KDM8: variants seen among roughly 807,000 people sequenced by gnomAD.
KDM8 encodes bifunctional peptidase and arginyl-hydroxylase JMJD5.
In KDM8, 35 loss-of-function variants were observed where a neutral mutation model predicts 46.9. The observed-to-expected ratio is 0.75, with a 90% CI of 0.57 to 0.99. The LOEUF (loss-of-function observed/expected upper bound fraction) is 0.99, where lower values mean the gene tolerates loss of function less well. KDM8 is among the 50% of genes least tolerant of loss of function. The pLI is 0.00. For missense variants in KDM8, 475 were observed against 537.0 expected, an observed-to-expected ratio of 0.88 and a Z score of 1.14; for synonymous variants, 232 against 227.7, an observed-to-expected ratio of 1.02 and a Z score of -0.17.
chr16:27,212,945 C>T (rs938270314), intron 2 of KDM8, among the ~76,000 whole-genome samples: 6 of 152,310 alleles, frequency 3.9e-5, no homozygotes, highest in South Asian at 2.1e-4. Context: ...CCACCTTGGT[C>T]TCCCAAAGTG....
intron 1 of KDM8, chr16:27,204,141 G>A: frequency 1.3e-6 from 2 of 1,535,944 alleles, no homozygotes; most frequent in South Asian, 1.2e-5. Context: ...GGAGGGAAGG[G>A]GGTCTGAGGC....
At chr16:27,218,858 C>G in intron 5 of KDM8, 103 bp from the exon 6 acceptor site, 2 of 1,310,402 alleles carry the variant, frequency 1.5e-6, no homozygotes, top group Non-Finnish European at 2.2e-6. Context: ...AACACACACA[C>G]ACATAATGGA....
Position 27,215,979 on chromosome 16 carries a change from T to C in KDM8, c.833T>C (p.Leu278Pro). ...RDVGYLAQHQ[L>P]FDQIPELKQD... The stretch of plus-strand genomic sequence containing the variant: ...GTCGGGTACCTTGCTCAGCACCAGC[T>C]CTTTGACCAGGTAAGTCTGAGGCCA... Residue 278 changes from leucine (L) to proline (P), a missense_variant, in exon 5 of 8, where the codon CTC (leucine) becomes CCC (proline). Physicochemically the swap from Leu to Pro is moderately conservative, Grantham distance 98. Transcript: ENST00000286096. 6.2e-7 allele frequency: 1 copy of C among 1,614,156 alleles called. No individual in the cohort carries two copies. The highest frequency in any genetic ancestry group is 8.5e-7 in the Non-Finnish European group (1 of 1,180,014).
chr16:27,218,837 AC>A (rs1458652927), intron 5 of KDM8, 123 bp from the exon 6 acceptor site: 2 of 1,120,972 alleles, frequency 1.8e-6, no homozygotes, highest in Non-Finnish European at 2.6e-6. Flanking sequence ...ACAGAGCCAG[AC>A]CCTGTCTCAA....
intron 1 of KDM8, among the ~76,000 whole-genome samples, 168 bp from the exon 2 acceptor site, chr16:27,209,925 T>C (rs191468940): frequency 6.6e-6 from 1 of 152,300 alleles, no homozygotes; most frequent in East Asian, 1.9e-4. Context: ...GCCCTGAAGA[T>C]ACAGTGGTGA....
In KDM8 at chr16:27,220,583, C is replaced by T. The variant is rs144555722; in HGVS notation, c.1104C>T (p.Pro368=). The change falls in exon 8 of 8, where the codon CCC becomes CCT. Residue 368 remains proline, a synonymous_variant. Coordinates refer to ENST00000286096, the MANE Select transcript of KDM8 (RefSeq NM_024773.3). ...HNTSQVDVEN[P]DLEKFPKFAK... Reference sequence around the variant, plus strand: ...TTCTTCAGGTTGACGTGGAGAATCCCGACCTGGAAAAGTTCCCCAAGTTTG... The same window carrying T: ...TTCTTCAGGTTGACGTGGAGAATCCTGACCTGGAAAAGTTCCCCAAGTTTG... 159 of 1,614,122 alleles carry T rather than the reference C, an allele frequency of 9.9e-5. 2 individuals are homozygous for T. In the African/African-American group the frequency reaches 1.8e-3, roughly 18 times the overall value.
At chr16:27,216,124 C>A in intron 5 of KDM8, 135 bp downstream of exon 5, 1 of 927,618 alleles carries the variant, frequency 1.1e-6, no homozygotes. Flanking sequence ...GGTGACAGGA[C>A]GTGGGTGATG....
In KDM8 at chr16:27,210,590, G is replaced by A. The variant is rs145879289; in HGVS notation, c.467G>A (p.Arg156His). ...CACCTCCCTGGAAAGAGGCCTGCCC[G>A]TGGCTCCCTCCCAGAGCAACCCTGC... is the stretch of plus-strand genomic sequence containing the variant. Reference protein sequence around the residue: ...QTHLPGKRPARGSLPEQPCTK... With the variant: ...QTHLPGKRPAHGSLPEQPCTK... The change falls in exon 2 of 8, where the codon CGT becomes CAT. Residue 156 changes from arginine to histidine, a missense_variant. Transcript: ENST00000286096. 5.5e-5 allele frequency: 83 copies of A among 1,515,288 alleles called. No individual in the cohort carries two copies. In the African/African-American group the frequency reaches 9.8e-4, roughly 18 times the overall value. The allele number at this position is 1,515,288 out of a possible 1,614,324, so 93.9% of individuals were successfully genotyped here. A position where few individuals can be genotyped will look rare whatever the true frequency, so the allele number is the denominator to read the frequency against.
chr16:27,214,732 C>G (rs2140971131), intron 3 of KDM8, 144 bp from the exon 4 acceptor site: 1 of 856,842 alleles, frequency 1.2e-6, no homozygotes, highest in South Asian at 1.6e-5. Context: ...ATGCCGGTTC[C>G]TCATCAGTGA....
In KDM8 at chr16:27,210,073, G is replaced by A; in HGVS notation, c.-31-20G>A. 1.3e-6 allele frequency: 2 copies of A among 1,576,020 alleles called. No homozygotes were observed. The highest frequency in any genetic ancestry group is 1.7e-6 in the Non-Finnish European group (2 of 1,162,584). ...AGGTCTGTCCTGGTGTCTAACTCTT[G>A]TTTCTCTCCACCTCCCCAGGCACGG... is the stretch of plus-strand genomic sequence containing the variant. On this transcript the variant is annotated intron_variant, in intron 1 of 7. Coordinates refer to ENST00000286096, the MANE Select transcript of KDM8 (RefSeq NM_024773.3).
intron 1 of KDM8, among the ~76,000 whole-genome samples, chr16:27,205,132 A>C (rs780806780): frequency 6.6e-6 from 1 of 152,254 alleles, no homozygotes; most frequent in East Asian, 1.9e-4. Context: ...GCCAGTTTGC[A>C]TAGTGAATTC....
At chr16:27,207,288 T>C (rs767911498) in intron 1 of KDM8, among the ~76,000 whole-genome samples, 3 of 152,172 alleles carry the variant, frequency 2.0e-5, no homozygotes, top group Non-Finnish European at 2.9e-5. Flanking sequence ...TGCGTGCCTG[T>C]GGTCCCAGCT....
At position 27,213,687 on chromosome 16, in the gene KDM8, G is replaced by T; in HGVS notation, c.601G>T (p.Val201Phe). 1 of 1,614,186 alleles carries T rather than the reference G, an allele frequency of 6.2e-7. No homozygotes were observed. The highest frequency in any genetic ancestry group is 1.1e-5 in the South Asian group (1 of 91,084). The change falls in exon 3 of 8, where the codon GTT becomes TTT. Residue 201 changes from valine to phenylalanine, a missense_variant. By Grantham distance (50) the Val-to-Phe change is conservative. Coordinates refer to ENST00000286096, the MANE Select transcript of KDM8 (RefSeq NM_024773.3). ...SLQHFREQFL[V>F]PGRPVILKGV... ...CCAGCATTTCAGGGAGCAGTTTTTG[G>T]TTCCAGGGAGGCCCGTGATCCTGAA...
intron 4 of KDM8, 72 bp from the exon 5 acceptor site, chr16:27,215,873 C>A: frequency 6.8e-7 from 1 of 1,478,498 alleles, no homozygotes; most frequent in Non-Finnish European, 9.5e-7. Context: ...AGCTGGACAG[C>A]AGCAGCAGGA....
At position 27,221,587 on chromosome 16, in the gene KDM8, A is replaced by G. The variant is rs1404055356; in HGVS notation, c.*857A>G. 1 of 152,230 alleles carries G rather than the reference A, an allele frequency of 6.6e-6. No homozygotes were observed. Among genetic ancestry groups the G allele is most frequent in the African/African-American group, 2.4e-5 (1 of 41,446 alleles). The allele number at this position is 152,230 out of a possible 1,614,324, so 9.4% of individuals were successfully genotyped here. A position where few individuals can be genotyped will look rare whatever the true frequency, so the allele number is the denominator to read the frequency against. ...TACCACCTTCTAGTCACCATCCCCC[A>G]GAAGTAATGACTCTCAAACCTGGGG... On this transcript the variant is annotated 3_prime_UTR_variant, in exon 8 of 8. Transcript: ENST00000286096.
rs149728125 is a variant in KDM8 at position 27,220,572 on chromosome 16, G to A, written c.1093G>A (p.Val365Met). 3.2e-5 allele frequency: 51 copies of A among 1,614,050 alleles called. No individual in the cohort carries two copies. The highest frequency in any genetic ancestry group is 8.0e-5 in the African/African-American group (6 of 74,906). Residue 365 changes from valine (V) to methionine (M), a missense_variant, in exon 8 of 8, where the codon GTG (valine) becomes ATG (methionine). Physicochemically the swap from Val to Met is conservative, Grantham distance 21 (BLOSUM62 1). Transcript: ENST00000286096. ...HLLHNTSQVD[V>M]ENPDLEKFPK... ...CGTCCTTTGCTTTCTTCAGGTTGAC[G>A]TGGAGAATCCCGACCTGGAAAAGTT...
At chr16:27,211,515 C>T (rs1300178932) in intron 2 of KDM8, 1 of 213,404 alleles carries the variant, frequency 4.7e-6, no homozygotes, top group Non-Finnish European at 9.7e-6. Context: ...AGTCACTTAA[C>T]CTCCTTTGAG....
At chr16:27,220,153 C>T (rs370395106) in intron 6 of KDM8, among the ~76,000 whole-genome samples, 7 of 152,020 alleles carry the variant, frequency 4.6e-5, no homozygotes, top group Admixed American at 2.0e-4. Flanking sequence ...GCCAGGAGGT[C>T]GAGACTGCAG....
chr16:27,203,853 A>G, intron 1 of KDM8: 1 of 436,308 alleles, frequency 2.3e-6, no homozygotes, highest in Non-Finnish European at 4.1e-6. Context: ...GGATAAAGGG[A>G]AAGGTTCCGC....
Sources: gnomAD v4.1 joint callset for allele counts (sites outside exome capture counted in the v4.1 genomes callset) on GRCh38, gnomAD v4.1.1 for gene constraint, MANE v1.5 for transcripts, NCBI Gene and HGNC (gene_info 2026-07-23, HGNC 2026-07-21) for gene names.